NUP93: variants seen among roughly 807,000 people sequenced by gnomAD.
NUP93 encodes the protein nuclear pore complex protein Nup93.
In NUP93, 55 loss-of-function variants were observed where a neutral mutation model predicts 107.8. The observed-to-expected ratio is 0.51, with a 90% confidence interval of 0.41 to 0.64. NUP93 has a LOEUF of 0.64. NUP93 is among the 30% of genes least tolerant of loss of function. NUP93 has a pLI of 0.00. For synonymous variants in NUP93, 390 were observed against 397.5 expected (o/e 0.98, Z 0.22); for missense variants, 937 against 1,044.7 (o/e 0.90, Z 1.42).
intron 5 of NUP93, among the ~76,000 whole-genome samples, chr16:56,808,634 A>G (rs1963232701): frequency 7.3e-6 from 1 of 136,124 alleles, no homozygotes; most frequent in East Asian, 2.1e-4. Flanking sequence ...ATATAAATAC[A>G]TTTATATAAA....
chr16:56,757,461 T>C (rs1415639500), intron 2 of NUP93, among the ~76,000 whole-genome samples: 1 of 151,918 alleles, frequency 6.6e-6, no homozygotes, highest in African/African-American at 2.4e-5. Flanking sequence ...TAAAATAAAA[T>C]AGACTAGACC....
intron 2 of NUP93, among the ~76,000 whole-genome samples, chr16:56,753,018 A>G (rs1396905678): frequency 6.6e-6 from 1 of 152,188 alleles, no homozygotes; most frequent in Non-Finnish European, 1.5e-5. Context: ...ATCAATTAGG[A>G]TAATAACTGC....
rs754633729 is a variant in NUP93 at position 56,748,377 on chromosome 16, C to T, written c.130C>T (p.Arg44Cys). 8.7e-6 allele frequency: 14 copies of T among 1,613,826 alleles called. No individual in the cohort carries two copies. The highest frequency in any genetic ancestry group is 3.3e-5 in the Admixed American group (2 of 60,000). Residue 44 changes from arginine (R) to cysteine (C), a missense_variant, in exon 2 of 22, where the codon CGT (arginine) becomes TGT (cysteine). Arg to Cys is a radical substitution (Grantham distance 180). Transcript: ENST00000308159. ...QEIQQAGERL[R>C]SRTLTRTSQE... ...GATCCAGCAGGCGGGAGAGCGCCTG[C>T]GTTCCCGTACCCTAACACGCACGTC...
rs763619675 is a variant in NUP93, at chr16:56,818,718, G to A, written c.544G>A (p.Glu182Lys). ...PPGRSSLDNI[E>K]MAYARQIYIY... is the part of the protein sequence containing the mutation. ...TGGTCGAAGCTCTCTGGATAACATC[G>A]AGATGGCCTATGCGCGGCAAGTGAG... Residue 182 changes from glutamate to lysine, a missense_variant, in exon 6 of 22, where the codon GAG becomes AAG. Physicochemically the swap from Glu to Lys is moderately conservative, Grantham distance 56 (BLOSUM62 1). Transcript: ENST00000308159. 16 of 1,614,068 alleles carry A rather than the reference G, an allele frequency of 9.9e-6. No individual in the cohort carries two copies. The highest frequency in any genetic ancestry group is 6.7e-5 in the East Asian group (3 of 44,888).
chr16:56,822,202 A>AT (rs1228450428), intron 7 of NUP93, among the ~76,000 whole-genome samples: 8 of 151,280 alleles, frequency 5.3e-5, no homozygotes, highest in African/African-American at 1.9e-4. Context: ...CCATACACAG[A>AT]TTTTTTTTGT....
At chr16:56,757,353 G>A (rs1278273141) in intron 2 of NUP93, among the ~76,000 whole-genome samples, 1 of 152,256 alleles carries the variant, frequency 6.6e-6, no homozygotes, top group East Asian at 1.9e-4. Flanking sequence ...GGTGGTTCAC[G>A]CCTGTAATCC....
rs1378140427 is a variant in NUP93, at chr16:56,847,984, TTC to T, written c.*3381_*3382del. 1.3e-5 allele frequency: 2 copies of T among 152,222 alleles called. No individual in the cohort carries two copies. Among genetic ancestry groups the T allele is most frequent in the Admixed American group, 1.3e-4 (2 of 15,288 alleles). 9.4% of individuals were successfully genotyped at this position (152,222 alleles called of 1,614,324 possible). Reference sequence around the variant, plus strand: ...ACCAAAAAAAACCTGAGGGTGATTTTTCTCTCTTTGAATTTTTACCCTTGCCT... The same window carrying T: ...ACCAAAAAAAACCTGAGGGTGATTTTTCTCTTTGAATTTTTACCCTTGCCT... On this transcript the variant is annotated 3_prime_UTR_variant, in exon 22 of 22. Coordinates refer to ENST00000308159, the MANE Select transcript of NUP93 (RefSeq NM_014669.5).
intron 3 of NUP93, among the ~76,000 whole-genome samples, chr16:56,769,697 A>C (rs1343650954): frequency 6.6e-6 from 1 of 152,144 alleles, no homozygotes; most frequent in Non-Finnish European, 1.5e-5. Context: ...TTGCTTGATC[A>C]TCTTTGTTTT....
intron 1 of NUP93, among the ~76,000 whole-genome samples, chr16:56,739,888 A>G (rs75503741): frequency 0.025 from 584 of 23,754 alleles, no homozygotes; most frequent in East Asian, 0.071. Flanking sequence ...GCGGCTGGCC[A>G]GGCGGGGGGC....
intron 1 of NUP93, among the ~76,000 whole-genome samples, chr16:56,745,167 G>A (rs898818837): frequency 1.5e-4 from 23 of 152,148 alleles, no homozygotes; most frequent in African/African-American, 3.1e-4. Context: ...CAGGTGAGCC[G>A]AAACAGATAG....
rs151216240 is a variant in NUP93, at chr16:56,798,648, G to A, written c.360+110G>A. On this transcript the variant is annotated intron_variant, in intron 4 of 21. Transcript: ENST00000308159. ...TTTGGGAGGCTGATGCAGGAAGTTC[G>A]CTTGAGCCCAGGAATTCAAGATCAG... 9.8e-5 allele frequency: 85 copies of A among 864,846 alleles called. 1 individual carries two copies. The African/African-American group carries it at 1.3e-3, about 14-fold the overall frequency. 53.6% of individuals were successfully genotyped at this position (864,846 alleles called of 1,614,324 possible). A position where few individuals can be genotyped will look rare whatever the true frequency, so the allele number is the denominator to read the frequency against.
chr16:56,761,650 A>G (rs1262876681), intron 3 of NUP93, among the ~76,000 whole-genome samples: 1 of 152,160 alleles, frequency 6.6e-6, no homozygotes, highest in Non-Finnish European at 1.5e-5. Context: ...CACTTAAAGT[A>G]CTGTTATAAA....
rs116372156 is a variant in NUP93, at chr16:56,841,897, C to T, written c.2349+64C>T. On this transcript the variant is annotated intron_variant, in intron 21 of 21. Coordinates refer to ENST00000308159, the MANE Select transcript of NUP93 (RefSeq NM_014669.5). ...CACCTTTCTGGTTTGGAATCCGTTG[C>T]GCTCTTATGAGACCACATGACCCAA... The T allele has an allele frequency of 7.4e-4, 1,172 of 1,588,784 alleles. 6 individuals are homozygous for T. In the African/African-American group the frequency reaches 0.014, roughly 19 times the overall value.
At chr16:56,828,402 A>G (rs1224832911) in intron 8 of NUP93, among the ~76,000 whole-genome samples, 2 of 152,112 alleles carry the variant, frequency 1.3e-5, no homozygotes, top group Non-Finnish European at 2.9e-5. Context: ...TGGTATCATA[A>G]TGATACTGAG....
Position 56,811,990 on chromosome 16 carries a change from CAAAA to C in NUP93, c.489+6362_489+6365del, listed in dbSNP as rs150033916. Among the ~76,000 whole-genome samples, 991 of 151,938 alleles carry C rather than the reference CAAAA, an allele frequency of 6.5e-3. 17 individuals carry two copies. The highest frequency in any genetic ancestry group is 0.023 in the African/African-American group (962 of 41,456). On this transcript the variant is annotated intron_variant, in intron 5 of 21. Coordinates refer to ENST00000308159, the MANE Select transcript of NUP93 (RefSeq NM_014669.5). ...TGATTTATAAAGTATTGTTAGGAAT[CAAAA>C]AAATCTTTGCATATAAATAGAGGAG... is the stretch of plus-strand genomic sequence containing the variant.
At chr16:56,789,893 G>A (rs1278192031) in intron 3 of NUP93, among the ~76,000 whole-genome samples, 3 of 152,162 alleles carry the variant, frequency 2.0e-5, no homozygotes, top group East Asian at 1.9e-4. Context: ...AAGGTCAGGC[G>A]TTCAAGACCA....
Position 56,823,776 on chromosome 16 carries a change from C to T in NUP93, c.724C>T (p.Leu242=). 3 of 1,614,172 alleles carry T rather than the reference C, an allele frequency of 1.9e-6. No homozygotes were observed. Among genetic ancestry groups the T allele is most frequent in the African/African-American group, 2.7e-5 (2 of 75,042 alleles). ...GTTGTTGACACCGGCAACGGATGCC[C>T]TGAAGAACCGCAGCAGCGTGGAAGT... is the stretch of plus-strand genomic sequence containing the variant. ...DVLLTPATDA[L]KNRSSVEVRM... The change falls in exon 8 of 22, where the codon CTG becomes TTG. Residue 242 remains leucine, a synonymous_variant. Coordinates refer to ENST00000308159, the MANE Select transcript of NUP93 (RefSeq NM_014669.5).
At chr16:56,822,413 G>A (rs1431697315) in intron 7 of NUP93, among the ~76,000 whole-genome samples, 1 of 151,436 alleles carries the variant, frequency 6.6e-6, no homozygotes, top group African/African-American at 2.4e-5. Flanking sequence ...TCGAGAGGCT[G>A]AGGTGGGAGG....
At chr16:56,769,354 A>G (rs1206892629) in intron 3 of NUP93, among the ~76,000 whole-genome samples, 1 of 152,210 alleles carries the variant, frequency 6.6e-6, no homozygotes, top group East Asian at 1.9e-4. Context: ...TAGTAGTAAA[A>G]TAACGTTGAT....
Sources: gnomAD v4.1 joint callset for allele counts (sites outside exome capture counted in the v4.1 genomes callset) on GRCh38, gnomAD v4.1.1 for gene constraint, MANE v1.5 for transcripts, NCBI Gene and HGNC (gene_info 2026-07-23, HGNC 2026-07-21) for gene names.